ADAMTS17: variants seen among roughly 807,000 people sequenced by gnomAD.
ADAMTS17 encodes the protein ADAM metallopeptidase with thrombospondin type 1 motif 17, also known as A disintegrin and metalloproteinase with thrombospondin motifs 17.
In ADAMTS17, 113 loss-of-function variants were observed where a neutral mutation model predicts 141.5. That is an observed-to-expected ratio of 0.80 (90% CI 0.69 to 0.93). The LOEUF is 0.93. Ranked by LOEUF, ADAMTS17 falls within the 40% of genes least tolerant of loss-of-function variation. ADAMTS17 has a pLI of 0.00. For missense variants in ADAMTS17, 1,659 were observed against 1,517.9 expected (o/e 1.09, Z -1.54); for synonymous variants, 768 against 630.6 (o/e 1.22, Z -3.27).
At chr15:100,206,829 G>A (rs1009939077) in intron 7 of ADAMTS17, among the ~76,000 whole-genome samples, 1 of 152,178 alleles carries the variant, frequency 6.6e-6, no homozygotes, top group African/African-American at 2.4e-5. Flanking sequence ...GCCTTCCCAA[G>A]GCAGCTGTCT....
chr15:99,984,159 G>T (rs1290350730), intron 20 of ADAMTS17, among the ~76,000 whole-genome samples: 2 of 152,184 alleles, frequency 1.3e-5, no homozygotes, highest in African/African-American at 4.8e-5. Context: ...CCTGCATATT[G>T]TGGCTGGGAC....
chr15:100,071,391 A>G (rs1258382793), intron 15 of ADAMTS17, among the ~76,000 whole-genome samples: 10 of 149,734 alleles, frequency 6.7e-5, no homozygotes, highest in Non-Finnish European at 1.3e-4. Context: ...AACTCATTTT[A>G]TGAGGCCAGC....
intron 3 of ADAMTS17, among the ~76,000 whole-genome samples, chr15:100,308,449 T>C (rs541946811): frequency 1.2e-4 from 18 of 152,314 alleles, no homozygotes; most frequent in Non-Finnish European, 2.4e-4. Context: ...CTGAGCAAAG[T>C]GCCCACGTCA....
At chr15:100,287,479 G>T (rs192976297) in intron 3 of ADAMTS17, among the ~76,000 whole-genome samples, 4 of 152,278 alleles carry the variant, frequency 2.6e-5, no homozygotes, top group Admixed American at 2.6e-4. Context: ...TATCATCCAT[G>T]AAAATTCCCC....
At chr15:100,113,765 G>T (rs1049105926) in intron 13 of ADAMTS17, among the ~76,000 whole-genome samples, 7 of 152,246 alleles carry the variant, frequency 4.6e-5, no homozygotes, top group African/African-American at 1.7e-4. Context: ...GCTTGGCGGA[G>T]CTGTCGTCAG....
chr15:100,254,263 G>T, intron 6 of ADAMTS17, 84 bp from the exon 7 acceptor site: 1 of 1,260,578 alleles, frequency 7.9e-7, no homozygotes. Flanking sequence ...ACCTCAAGTA[G>T]TCATCCTGCA....
chr15:100,172,693 C>A (rs115310942), intron 8 of ADAMTS17, among the ~76,000 whole-genome samples: 11 of 152,146 alleles, frequency 7.2e-5, no homozygotes, highest in Admixed American at 5.9e-4. Flanking sequence ...TTAGACTGTG[C>A]GGTCCCACCC....
At chr15:100,280,628 T>C (rs1289834813) in intron 4 of ADAMTS17, among the ~76,000 whole-genome samples, 1 of 152,200 alleles carries the variant, frequency 6.6e-6, no homozygotes, top group Non-Finnish European at 1.5e-5. Flanking sequence ...GTTCCCGCCA[T>C]GTCAAATGAC....
intron 6 of ADAMTS17, among the ~76,000 whole-genome samples, chr15:100,259,116 A>G (rs1203607152): frequency 6.6e-6 from 1 of 152,234 alleles, no homozygotes; most frequent in Non-Finnish European, 1.5e-5. Flanking sequence ...TTTCCACAGT[A>G]TTTATGAAAA....
chr15:100,042,878 T>A (rs2031375134), intron 18 of ADAMTS17, among the ~76,000 whole-genome samples: 1 of 152,184 alleles, frequency 6.6e-6, no homozygotes, highest in African/African-American at 2.4e-5. Flanking sequence ...TGACCACGGG[T>A]AACTGAAACC....
rs192507102 is a variant in ADAMTS17 at position 100,216,286 on chromosome 15, G to C, written c.1076-16863C>G. ...GACCAAGTCCAAATTTTTTCTTAAA[G>C]TTTAACAGAAAGTATTTCTCAAGCC... On this transcript the variant is annotated intron_variant, in intron 7 of 21. Coordinates refer to ENST00000268070, the MANE Select transcript of ADAMTS17 (RefSeq NM_139057.4). Among the ~76,000 whole-genome samples the C allele has an allele frequency of 1.4e-4, 22 of 152,358 alleles. No homozygotes were observed. In the East Asian group the frequency reaches 3.9e-3, roughly 27 times the overall value.
rs547045441 is a variant in ADAMTS17 at position 100,004,259 on chromosome 15, A to C, written c.2592-6670T>G. On this transcript the variant is annotated intron_variant, in intron 18 of 21. Transcript: ENST00000268070. ...CCGCAGCGTATTTTAGCTGTTTTTC[A>C]GCTAGACTTTTTGCTTCTGATCTTG... Among the ~76,000 whole-genome samples the C allele has an allele frequency of 1.4e-4, 21 of 152,348 alleles. No homozygotes were observed. In the East Asian group the frequency reaches 3.7e-3, roughly 27 times the overall value.
Position 100,281,148 on chromosome 15 carries a change from G to A in ADAMTS17, c.789+81C>T. 5 of 1,581,402 alleles carry A rather than the reference G, an allele frequency of 3.2e-6. No individual in the cohort carries two copies. The South Asian group carries it at 4.4e-5, about 14-fold the overall frequency. On this transcript the variant is annotated intron_variant, in intron 4 of 21. Coordinates refer to ENST00000268070, the MANE Select transcript of ADAMTS17 (RefSeq NM_139057.4). The stretch of plus-strand genomic sequence containing the variant: ...CAGCGTCTTCCTCACTTGAGGAGAT[G>A]AGGACACAGCACCTGCTTCCAGATC...
At chr15:100,302,559 T>C (rs2045077551) in intron 3 of ADAMTS17, among the ~76,000 whole-genome samples, 1 of 152,164 alleles carries the variant, frequency 6.6e-6, no homozygotes, top group Non-Finnish European at 1.5e-5. Flanking sequence ...TTGCCAACAT[T>C]TGCTATCTTT....
At position 99,972,621 on chromosome 15, in the gene ADAMTS17, G is replaced by A. The variant is rs1268730910; in HGVS notation, c.*1781C>T. The A allele has an allele frequency of 1.3e-5, 2 of 152,240 alleles. No homozygotes were observed. Among genetic ancestry groups the A allele is most frequent in the African/African-American group, 4.8e-5 (2 of 41,464 alleles). The allele number at this position is 152,240 out of a possible 1,614,324, so 9.4% of individuals were successfully genotyped here. On this transcript the variant is annotated 3_prime_UTR_variant, in exon 22 of 22. Coordinates refer to ENST00000268070, the MANE Select transcript of ADAMTS17 (RefSeq NM_139057.4). Reference sequence around the variant, plus strand: ...GTGGCCAGGCCTGAAGGGGAGGACAGCAGTCTGCGCAGGCCGCGGGGCGAG... The same window carrying A: ...GTGGCCAGGCCTGAAGGGGAGGACAACAGTCTGCGCAGGCCGCGGGGCGAG...
chr15:100,117,139 T>C (rs1401810979), intron 12 of ADAMTS17, 126 bp from the exon 13 acceptor site: 2 of 1,119,482 alleles, frequency 1.8e-6, no homozygotes, highest in East Asian at 2.6e-5. Flanking sequence ...AGCCACCCCC[T>C]CTCTGCTGTT....
At chr15:100,103,058 A>C (rs1001683380) in intron 14 of ADAMTS17, among the ~76,000 whole-genome samples, 4 of 152,132 alleles carry the variant, frequency 2.6e-5, no homozygotes, top group African/African-American at 4.8e-5. Context: ...TTCACCTGGA[A>C]GCTCCTGCTT....
intron 12 of ADAMTS17, among the ~76,000 whole-genome samples, chr15:100,124,266 T>C (rs2037604979): frequency 6.6e-6 from 1 of 152,232 alleles, no homozygotes; most frequent in Admixed American, 6.5e-5. Context: ...CTGCCAGGCC[T>C]GTTCTAGGAC....
intron 3 of ADAMTS17, among the ~76,000 whole-genome samples, chr15:100,288,010 A>T (rs2044502298): frequency 6.6e-6 from 1 of 152,238 alleles, no homozygotes; most frequent in Non-Finnish European, 1.5e-5. Flanking sequence ...GTATATATCG[A>T]TATTAGCTTT....
Sources: allele counts gnomAD v4.1 joint callset (sites outside exome capture counted in the v4.1 genomes callset), GRCh38; gene constraint gnomAD v4.1.1; transcripts MANE v1.5; gene names NCBI Gene and HGNC (gene_info 2026-07-23, HGNC 2026-07-21).